The following TJP2 variants were observed in gnomAD, a reference collection of about 807,000 sequenced individuals.
TJP2 encodes Friedreich ataxia region gene X104 (tight junction protein ZO-2).
A neutral mutation model predicts 133.1 loss-of-function variants in TJP2; 91 were observed. The ratio of observed to expected loss-of-function variants is 0.68; its 90% CI spans 0.58 to 0.81. The LOEUF (loss-of-function observed/expected upper bound fraction) is 0.81. TJP2 is among the 40% of genes least tolerant of loss of function. TJP2 has a pLI of 0.00. For missense variants in TJP2, 1,541 were observed against 1,565.6 expected, an observed-to-expected ratio of 0.98 and a Z score of 0.26; for synonymous variants, 592 against 583.4, an observed-to-expected ratio of 1.01 and a Z score of -0.21.
chr9:69,224,600 C>T (rs530076131), intron 5 of TJP2, among the ~76,000 whole-genome samples: 15 of 152,226 alleles, frequency 9.9e-5, no homozygotes, highest in African/African-American at 3.6e-4. Context: ...TCACTTGAAC[C>T]TGGGAGGCAG....
At chr9:69,151,672 G>C (rs143989752) in exon 2 of TJP2, 1 of 1,232,072 alleles carries the variant, frequency 8.1e-7, no homozygotes, top group Non-Finnish European at 1.0e-6. Context: ...CCACATTACT[G>C]TCATCTCCCT....
chr9:69,132,351 A>G (rs1452199835), intron 1 of TJP2, among the ~76,000 whole-genome samples: 2 of 152,198 alleles, frequency 1.3e-5, no homozygotes, highest in African/African-American at 4.8e-5. Flanking sequence ...TGGGTCTTTC[A>G]AAGGATAACA....
chr9:69,223,476 TTTTTGTG>T (rs956484686), intron 5 of TJP2, among the ~76,000 whole-genome samples: 2 of 151,998 alleles, frequency 1.3e-5, no homozygotes, highest in Non-Finnish European at 2.9e-5. Flanking sequence ...CCCGGCTAAT[TTTTTGTG>T]TTTTAAGTAG....
At chr9:69,191,595 A>G (rs1826208260) in intron 1 of TJP2, among the ~76,000 whole-genome samples, 1 of 152,184 alleles carries the variant, frequency 6.6e-6, no homozygotes, top group African/African-American at 2.4e-5. Context: ...CAGGTCCGTT[A>G]GCTGTTTCCA....
At chr9:69,193,676 C>CTTTTTTTTT (rs11312165) in intron 1 of TJP2, among the ~76,000 whole-genome samples, 1 of 138,690 alleles carries the variant, frequency 7.2e-6, no homozygotes, top group Non-Finnish European at 1.5e-5. Flanking sequence ...AACACCTGAA[C>CTTTTTTTTT]TTTTTTTTTT....
rs1417544630 is a variant in TJP2, at chr9:69,124,052, TC to T, written c.-131+2328del. ...CCGGCTAATTTTTTTGAATTTTTTT[TC>T]TTTTTTTTAGTAGAGACGGGGTTTC... is the stretch of plus-strand genomic sequence containing the variant. On this transcript the variant is annotated intron_variant, in intron 1 of 5. Transcript: ENST00000423935. Among the ~76,000 whole-genome samples the T allele has an allele frequency of 2.7e-5, 2 of 74,166 alleles. 1 individual carries two copies. Among genetic ancestry groups the T allele is most frequent in the African/African-American group, 8.3e-5 (2 of 24,044 alleles). 48.7% of individuals were successfully genotyped at this position (74,166 alleles called of 152,430 possible). A position where few individuals can be genotyped will look rare whatever the true frequency, so the allele number is the denominator to read the frequency against.
intron 11 of TJP2, among the ~76,000 whole-genome samples, chr9:69,232,782 G>C (rs1388086406): frequency 6.6e-6 from 1 of 152,042 alleles, no homozygotes; most frequent in Non-Finnish European, 1.5e-5. Flanking sequence ...TTATGGGATG[G>C]AAAAGAGAAA....
intron 2 of TJP2, among the ~76,000 whole-genome samples, chr9:69,165,023 T>C (rs191795616): frequency 2.2e-4 from 33 of 152,212 alleles, no homozygotes; most frequent in African/African-American, 7.7e-4. Context: ...AGAGACGGGG[T>C]GTCACCACAT....
chr9:69,223,127 A>G (rs1203143187), intron 5 of TJP2, among the ~76,000 whole-genome samples: 1 of 148,508 alleles, frequency 6.7e-6, no homozygotes, highest in Non-Finnish European at 1.5e-5. Context: ...TCTCTATGTT[A>G]ATAAGCTCTC....
chr9:69,176,895 A>G (rs1400498865), intron 1 of TJP2, among the ~76,000 whole-genome samples: 1 of 151,594 alleles, frequency 6.6e-6, no homozygotes, highest in Non-Finnish European at 1.5e-5. Context: ...GTACAATAAT[A>G]TGTGTAGTAA....
At chr9:69,206,585 T>TCA (rs1827429603) in intron 1 of TJP2, among the ~76,000 whole-genome samples, 2 of 151,310 alleles carry the variant, frequency 1.3e-5, no homozygotes, top group Non-Finnish European at 2.9e-5. Flanking sequence ...TTAATTTTTT[T>TCA]ATTTCTTTTT....
chr9:69,168,676 T>TC (rs1230511412), intron 2 of TJP2, among the ~76,000 whole-genome samples: 6 of 151,498 alleles, frequency 4.0e-5, no homozygotes, highest in Non-Finnish European at 8.8e-5. Context: ...GCGCCTGTAG[T>TC]CCCAGCTACT....
At chr9:69,148,767 A>G (rs1823334127) in intron 1 of TJP2, among the ~76,000 whole-genome samples, 1 of 152,174 alleles carries the variant, frequency 6.6e-6, no homozygotes, top group Non-Finnish European at 1.5e-5. Flanking sequence ...ATGGCTACCA[A>G]CCGACAATTG....
At chr9:69,156,538 T>A (rs1587926196) in intron 2 of TJP2, among the ~76,000 whole-genome samples, 2 of 143,716 alleles carry the variant, frequency 1.4e-5, no homozygotes, top group Admixed American at 7.0e-5. Context: ...TTTTTTTTTT[T>A]TTTTTTTTTT....
chr9:69,173,982 C>T, upstream of TJP2: 1 of 985,294 alleles, frequency 1.0e-6, no homozygotes, highest in Non-Finnish European at 1.2e-6. Flanking sequence ...GGCGTGGGGG[C>T]TGCGGGCCGC....
At position 69,220,926 on chromosome 9, in the gene TJP2, C is replaced by G. The variant is rs41305539; in HGVS notation, c.382C>G (p.Gln128Glu). 1 of 1,612,426 alleles carries G rather than the reference C, an allele frequency of 6.2e-7. No homozygotes were observed. Among genetic ancestry groups the G allele is most frequent in the African/African-American group, 1.3e-5 (1 of 74,960 alleles). ...RPRKVQVAALQASPPLDQDDR... is the reference protein window; with the variant it reads ...RPRKVQVAALEASPPLDQDDR... ...CCGGAAGGTCCAGGTGGCCGCACTTCAGGCCAGCCCTCCCCTGGATCAGGA... is the reference window on the plus strand; with the variant it reads ...CCGGAAGGTCCAGGTGGCCGCACTTGAGGCCAGCCCTCCCCTGGATCAGGA... The change falls in exon 5 of 23, where the codon CAG becomes GAG. Residue 128 changes from glutamine to glutamate, a missense_variant. Physicochemically the swap from Gln to Glu is conservative, Grantham distance 29 (BLOSUM62 2). Transcript: ENST00000377245.
At chr9:69,220,747 T>C in intron 4 of TJP2, 140 bp from the exon 5 acceptor site, 1 of 780,622 alleles carries the variant, frequency 1.3e-6, no homozygotes, top group Non-Finnish European at 2.2e-6. Flanking sequence ...TATTGTCCGT[T>C]TCCGGATGAG....
intron 1 of TJP2, among the ~76,000 whole-genome samples, chr9:69,177,084 C>T (rs905631985): frequency 6.6e-6 from 1 of 152,254 alleles, no homozygotes; most frequent in South Asian, 2.1e-4. Flanking sequence ...GAACGAATCC[C>T]ATTAAGCAGT....
chr9:69,163,020 A>ATTTT lies in TJP2; in HGVS notation c.-10+11250_-10+11253dup, dbSNP rs201502981. 1.7e-4 allele frequency among the ~76,000 whole-genome samples: 15 copies of ATTTT among 86,022 alleles called. 1 individual carries two copies. Among genetic ancestry groups the ATTTT allele is most frequent in the East Asian group, 3.7e-4 (1 of 2,734 alleles). 56.4% of individuals were successfully genotyped at this position (86,022 alleles called of 152,430 possible). Reference sequence around the variant, plus strand: ...TAATTATTTTTTAAAAAGTATCTTTATTTTATTTTATTTTTTTTTTTTTGA... The same window carrying ATTTT: ...TAATTATTTTTTAAAAAGTATCTTTATTTTTTTTATTTTATTTTTTTTTTTTTGA... On this transcript the variant is annotated intron_variant, in intron 2 of 5. Coordinates refer to the TJP2 transcript ENST00000423935.
Sources: allele counts gnomAD v4.1 joint callset (sites outside exome capture counted in the v4.1 genomes callset), GRCh38; gene constraint gnomAD v4.1.1; transcripts MANE v1.5; gene names NCBI Gene and HGNC (gene_info 2026-07-23, HGNC 2026-07-21).